Variants in ARL15 observed in about 807,000 individuals in gnomAD.
ARL15 encodes ARF like GTPase 15.
ARL15 carries 19 observed loss-of-function variants against 25.2 expected under a neutral mutation model. The ratio of observed to expected loss-of-function variants is 0.75; its 90% CI spans 0.53 to 1.10. The LOEUF is 1.10. Among genes scored for constraint, ARL15 ranks in the 50% least tolerant of loss-of-function variants. The pLI, the probability that ARL15 is intolerant of heterozygous loss-of-function variation, is 0.00. For synonymous variants in ARL15, 94 were observed against 86.8 expected, an observed-to-expected ratio of 1.08 and a Z score of -0.46; for missense variants, 220 against 246.0, an observed-to-expected ratio of 0.89 and a Z score of 0.71.
intron 3 of ARL15, among the ~76,000 whole-genome samples, chr5:54,120,048 C>G (rs1753025940): frequency 6.6e-6 from 1 of 152,186 alleles, no homozygotes; most frequent in Non-Finnish European, 1.5e-5. Context: ...TCACCATACT[C>G]TGACCACATC....
At chr5:54,167,381 C>T (rs1754604608) in intron 2 of ARL15, among the ~76,000 whole-genome samples, 2 of 152,172 alleles carry the variant, frequency 1.3e-5, no homozygotes, top group Non-Finnish European at 2.9e-5. Context: ...ACCTCAGCTC[C>T]CTCTGGAACT....
chr5:54,184,866 A>G, intron 1 of ARL15, among the ~76,000 whole-genome samples: 1 of 152,032 alleles, frequency 6.6e-6, no homozygotes, highest in Admixed American at 6.6e-5. Context: ...GGATAACCAC[A>G]CTATCTTTTC....
chr5:53,979,400 A>G (rs967529280), intron 4 of ARL15, among the ~76,000 whole-genome samples: 2 of 152,106 alleles, frequency 1.3e-5, no homozygotes, highest in African/African-American at 2.4e-5. Context: ...TTAGCTGGGT[A>G]TGGTGGTATG....
At chr5:54,176,305 G>A (rs565353979) in intron 1 of ARL15, among the ~76,000 whole-genome samples, 1 of 152,310 alleles carries the variant, frequency 6.6e-6, no homozygotes, top group South Asian at 2.1e-4. Context: ...AACAGGAATA[G>A]TGTCAGATTT....
chr5:54,206,958 T>C (rs1452120712), intron 1 of ARL15, among the ~76,000 whole-genome samples: 2 of 152,238 alleles, frequency 1.3e-5, no homozygotes, highest in African/African-American at 4.8e-5. Flanking sequence ...GATTTGTAAC[T>C]GGAAAGGCTC....
At chr5:54,193,663 G>T (rs1441723800) in intron 1 of ARL15, among the ~76,000 whole-genome samples, 1 of 151,564 alleles carries the variant, frequency 6.6e-6, no homozygotes, top group Non-Finnish European at 1.5e-5. Flanking sequence ...CTGGTCCCTG[G>T]CATCAAAAAG....
intron 1 of ARL15, among the ~76,000 whole-genome samples, chr5:54,261,566 AG>A (rs1757498118): frequency 2.0e-5 from 3 of 151,868 alleles, no homozygotes; most frequent in Non-Finnish European, 4.4e-5. Context: ...AAAAAAAAAG[AG>A]AGAACTTCAG....
Position 53,965,303 on chromosome 5 carries a change from G to C in ARL15, c.463-78590C>G, listed in dbSNP as rs375452310. 3.9e-5 allele frequency among the ~76,000 whole-genome samples: 6 copies of C among 152,160 alleles called. No homozygotes were observed. The East Asian group carries it at 7.7e-4, about 20-fold the overall frequency. ...GACAAAATTTATTCATGGTATTTTG[G>C]TGGAAGAAGATAAGTGGAAGGCTGA... On this transcript the variant is annotated intron_variant, in intron 4 of 4. Coordinates refer to ENST00000504924, the MANE Select transcript of ARL15 (RefSeq NM_019087.3).
chr5:54,309,303 G>A (rs1758837147), intron 1 of ARL15, among the ~76,000 whole-genome samples: 2 of 152,200 alleles, frequency 1.3e-5, no homozygotes, highest in Admixed American at 6.5e-5. Flanking sequence ...AGCATTAGGA[G>A]AAACATTTTC....
intron 4 of ARL15, among the ~76,000 whole-genome samples, chr5:53,922,734 T>A (rs1745894594): frequency 6.6e-6 from 1 of 152,220 alleles, no homozygotes; most frequent in African/African-American, 2.4e-5. Context: ...ATTGATGGAA[T>A]ATTGCTTGAC....
intron 4 of ARL15, among the ~76,000 whole-genome samples, chr5:54,110,947 C>T (rs1752722216): frequency 6.6e-6 from 1 of 151,976 alleles, no homozygotes; most frequent in African/African-American, 2.4e-5. Flanking sequence ...CACAGAGAAA[C>T]TTCTCTGTCA....
Position 54,199,150 on chromosome 5 carries a change from G to T in ARL15, c.49-27222C>A, listed in dbSNP as rs542409710. ...ACATCTTATACAAAAATCAATTCCA[G>T]ATGGATTAAAGACTTAAACTTTAGA... On this transcript the variant is annotated intron_variant, in intron 1 of 4. Transcript: ENST00000504924. Among the ~76,000 whole-genome samples the T allele has an allele frequency of 3.9e-5, 6 of 152,300 alleles. No homozygotes were observed. The South Asian group carries it at 1.2e-3, about 32-fold the overall frequency.
At chr5:54,140,461 T>TAGATAGATAGAGATAG (rs1554043185) in intron 3 of ARL15, among the ~76,000 whole-genome samples, 3 of 123,576 alleles carry the variant, frequency 2.4e-5, no homozygotes, top group Non-Finnish European at 5.6e-5. Context: ...GATAGATAGA[T>TAGATAGATAGAGATAG]AGATAGAGAT....
chr5:54,264,849 A>G (rs1757582882), intron 1 of ARL15, among the ~76,000 whole-genome samples: 1 of 152,072 alleles, frequency 6.6e-6, no homozygotes, highest in African/African-American at 2.4e-5. Flanking sequence ...CCCCTTTATC[A>G]TGTGCTATTT....
At chr5:54,277,645 G>A (rs964348560) in intron 1 of ARL15, among the ~76,000 whole-genome samples, 40 of 152,084 alleles carry the variant, frequency 2.6e-4, no homozygotes, top group African/African-American at 8.7e-4. Context: ...CCAGCTACTC[G>A]GGAGGCTGAG....
chr5:54,247,491 A>T (rs1757118827), intron 1 of ARL15, among the ~76,000 whole-genome samples: 2 of 152,028 alleles, frequency 1.3e-5, no homozygotes, highest in East Asian at 1.9e-4. Flanking sequence ...AACAACTTCA[A>T]AACAAAAAAC....
At chr5:54,226,267 G>C (rs76279893) in intron 1 of ARL15, among the ~76,000 whole-genome samples, 1 of 152,198 alleles carries the variant, frequency 6.6e-6, no homozygotes, top group African/African-American at 2.4e-5. Flanking sequence ...GAAAATGGCC[G>C]TTAATTGGAT....
intron 3 of ARL15, among the ~76,000 whole-genome samples, chr5:54,153,952 C>T (rs244643): frequency 0.21 from 31,843 of 152,046 alleles, 4,063 homozygotes; most frequent in East Asian, 0.68. Flanking sequence ...TATTTTCATG[C>T]GCCATTAGAG....
rs73757121 is a variant in ARL15 at position 53,912,550 on chromosome 5, A to T, written c.463-25837T>A. On this transcript the variant is annotated intron_variant, in intron 4 of 4. Coordinates refer to ENST00000504924, the MANE Select transcript of ARL15 (RefSeq NM_019087.3). ...GAGAGTATTGCAAGTAGAACAAAGC[A>T]TTTCAAACCACAGAATCCTTTCAAT... Among the ~76,000 whole-genome samples, 1,339 of 152,298 alleles carry T rather than the reference A, an allele frequency of 8.8e-3. 18 individuals are homozygous for T. Among genetic ancestry groups the T allele is most frequent in the African/African-American group, 0.031 (1,282 of 41,564 alleles).
Sources: allele counts gnomAD v4.1 joint callset (sites outside exome capture counted in the v4.1 genomes callset), GRCh38; gene constraint gnomAD v4.1.1; transcripts MANE v1.5; gene names NCBI Gene and HGNC (gene_info 2026-07-23, HGNC 2026-07-21).